Variants in TRMT2B observed in about 807,000 individuals in gnomAD.
TRMT2B encodes tRNA (uracil-5-)-methyltransferase homolog B.
Under a neutral mutation model 39.7 loss-of-function variants are expected in TRMT2B, and 34 were observed. The ratio of observed to expected loss-of-function variants is 0.86; its 90% confidence interval spans 0.65 to 1.14. The LOEUF is 1.14. TRMT2B is among the 50% of genes most tolerant of loss of function. The pLI is 0.00. For missense variants in TRMT2B, 318 were observed against 377.2 expected, an observed-to-expected ratio of 0.84 and a Z score of 1.30; for synonymous variants, 132 against 137.3, an observed-to-expected ratio of 0.96 and a Z score of 0.27.
chrX:101,049,375 G>C (rs1438150984), intron 2 of TRMT2B, among the ~76,000 whole-genome samples: 1 of 105,938 alleles, frequency 9.4e-6, no homozygotes, highest in Non-Finnish European at 1.9e-5. Context: ...CACACCTGTA[G>C]TCCTAGCTAC....
intron 4 of TRMT2B, among the ~76,000 whole-genome samples, chrX:101,039,636 G>A (rs867648859): frequency 3.6e-5 from 4 of 111,839 alleles, no homozygotes; most frequent in African/African-American, 1.3e-4. Flanking sequence ...GGTGGCTCAC[G>A]CCTACAATCC....
the TRMT2B span, among the ~76,000 whole-genome samples, chrX:100,976,937 G>C: frequency 8.9e-6 from 1 of 112,634 alleles, no homozygotes; most frequent in East Asian, 2.8e-4. Context: ...AATTGCCTAG[G>C]AAGGAAATGC....
intron 5 of TRMT2B, 122 bp from the exon 6 acceptor site, chrX:101,037,195 G>T: frequency 1.9e-6 from 1 of 532,124 alleles, no homozygotes; most frequent in South Asian, 2.9e-5. Flanking sequence ...TGGAGGGTAT[G>T]GCATATGTGA....
the TRMT2B span, among the ~76,000 whole-genome samples, chrX:100,973,507 G>A: frequency 9.0e-5 from 10 of 110,524 alleles, no homozygotes; most frequent in South Asian, 1.5e-3. Flanking sequence ...GGGCGGCGGC[G>A]GCTGCCTTCT....
intron 7 of TRMT2B, among the ~76,000 whole-genome samples, chrX:101,026,877 A>C (rs1231541826): frequency 9.0e-6 from 1 of 111,664 alleles, no homozygotes; most frequent in Admixed American, 9.6e-5. Flanking sequence ...CATTCCCATC[A>C]ATATACTATC....
the TRMT2B span, among the ~76,000 whole-genome samples, chrX:100,996,185 C>T: frequency 1.8e-5 from 2 of 111,616 alleles, no homozygotes; most frequent in Admixed American, 9.5e-5. Flanking sequence ...AGACAAATAT[C>T]GTATGTTCTC....
At chrX:100,982,349 G>A in the TRMT2B span, among the ~76,000 whole-genome samples, 1 of 110,705 alleles carries the variant, frequency 9.0e-6, no homozygotes, top group African/African-American at 3.3e-5. Flanking sequence ...AAAATTGGCT[G>A]GGTGTGGTGG....
At chrX:101,019,968 T>C (rs896575961) in intron 11 of TRMT2B, among the ~76,000 whole-genome samples, 6 of 110,985 alleles carry the variant, frequency 5.4e-5, no homozygotes, top group African/African-American at 2.0e-4. Flanking sequence ...TGCAAGGACC[T>C]ATACCAAGAT....
chrX:101,039,318 G>A (rs868130132), intron 4 of TRMT2B, among the ~76,000 whole-genome samples: 2 of 111,411 alleles, frequency 1.8e-5, no homozygotes, highest in African/African-American at 3.3e-5. Context: ...TGATCTGCCC[G>A]CCTCAGCCTT....
At chrX:100,977,404 G>A in the TRMT2B span, among the ~76,000 whole-genome samples, 3 of 73,471 alleles carry the variant, frequency 4.1e-5, no homozygotes, top group East Asian at 9.8e-4. Flanking sequence ...TTTTTGAGAC[G>A]GAGTCTCGTT....
rs1483246407 is a variant in TRMT2B at position 101,051,563 on chromosome X, C to A, written c.-336G>T. 2.7e-6 allele frequency: 2 copies of A among 754,457 alleles called. No homozygotes were observed. Among genetic ancestry groups the A allele is most frequent in the Non-Finnish European group, 3.1e-6 (2 of 639,530 alleles). 62.2% of individuals were successfully genotyped at this position (754,457 alleles called of 1,213,427 possible). A position where few individuals can be genotyped will look rare whatever the true frequency, so the allele number is the denominator to read the frequency against. ...AGGAAAGGCTACCACTAAACTTGGC[C>A]GGTCTGCAGGGCCCGGGAAGGACAG... On this transcript the variant is annotated 5_prime_UTR_variant, in exon 2 of 14. Transcript: ENST00000372936.
intron 13 of TRMT2B, among the ~76,000 whole-genome samples, chrX:101,014,259 C>G (rs2086407945): frequency 8.9e-6 from 1 of 112,046 alleles, no homozygotes; most frequent in East Asian, 2.8e-4. Flanking sequence ...GTGGTGACAT[C>G]TGAAAGACTA....
intron 5 of TRMT2B, chrX:101,037,326 A>G: frequency 2.8e-6 from 1 of 351,185 alleles, no homozygotes; most frequent in Non-Finnish European, 5.0e-6. Flanking sequence ...AGGGCTTTGC[A>G]GGCCATATGG....
chrX:101,011,005 A>G (rs1016824568), intron 13 of TRMT2B, among the ~76,000 whole-genome samples: 5 of 112,029 alleles, frequency 4.5e-5, no homozygotes. Context: ...AAGAGCCTGT[A>G]TGTTTATAAG....
At chrX:101,019,469 G>A in intron 11 of TRMT2B, 66 bp from the exon 12 acceptor site, 1 of 1,170,563 alleles carries the variant, frequency 8.5e-7, no homozygotes, top group Non-Finnish European at 1.2e-6. Context: ...CAGCTTCACA[G>A]AAACGCACAG....
At position 101,051,452 on chromosome X, in the gene TRMT2B, G is replaced by GACTCC. The variant is rs2089088416; in HGVS notation, c.-230_-226dup. 1.3e-6 allele frequency: 1 copy of GACTCC among 752,890 alleles called. No homozygotes were observed. Among genetic ancestry groups the GACTCC allele is most frequent in the African/African-American group, 2.3e-5 (1 of 43,296 alleles). 62.0% of individuals were successfully genotyped at this position (752,890 alleles called of 1,213,427 possible). On this transcript the variant is annotated 5_prime_UTR_variant, in exon 2 of 14. An upstream open reading frame in the 5' UTR gains an earlier in-frame stop. Transcript: ENST00000372936. The stretch of plus-strand genomic sequence containing the variant: ...AGTCAGGTCCTTGTCTCCCCAACAA[G>GACTCC]ACTCCACTAGCCCTTCCATTCCCTT...
the TRMT2B span, among the ~76,000 whole-genome samples, chrX:100,996,285 G>A: frequency 1.9e-4 from 21 of 111,972 alleles, no homozygotes; most frequent in East Asian, 5.6e-4. Flanking sequence ...AGCGGGGAGC[G>A]GAGAAAGAGA....
At chrX:100,995,451 C>T in the TRMT2B span, among the ~76,000 whole-genome samples, 1 of 111,915 alleles carries the variant, frequency 8.9e-6, no homozygotes, top group East Asian at 2.8e-4. Context: ...ATAATATCAG[C>T]TCAGGGGGAA....
the TRMT2B span, among the ~76,000 whole-genome samples, chrX:100,986,557 T>C: frequency 8.9e-6 from 1 of 112,227 alleles, no homozygotes; most frequent in Admixed American, 9.5e-5. Context: ...AAGTGAGAAA[T>C]GAGCCCTGGG....
Sources: gnomAD v4.1 joint callset for allele counts (sites outside exome capture counted in the v4.1 genomes callset) on GRCh38, gnomAD v4.1.1 for gene constraint, MANE v1.5 for transcripts, NCBI Gene and HGNC (gene_info 2026-07-23, HGNC 2026-07-21) for gene names.